The following KIAA1328 variants were observed in gnomAD, a reference collection of about 807,000 sequenced individuals.
KIAA1328 encodes the protein protein hinderin.
In KIAA1328, 52 loss-of-function variants were observed where a neutral mutation model predicts 68.1. That is an observed-to-expected ratio of 0.76 (90% CI 0.61 to 0.96). The LOEUF is 0.96. Ranked by LOEUF, KIAA1328 falls within the 40% of genes least tolerant of loss-of-function variation. The probability of loss-of-function intolerance (pLI) is 0.00; values close to 1 mark genes in which losing one functional copy is unlikely to be tolerated. For missense variants in KIAA1328, 641 were observed against 677.6 expected (o/e 0.95, Z 0.60); for synonymous variants, 232 against 239.4 (o/e 0.97, Z 0.28).
At chr18:37,096,624 C>G (rs2057416787) in intron 7 of KIAA1328, among the ~76,000 whole-genome samples, 1 of 152,190 alleles carries the variant, frequency 6.6e-6, no homozygotes, top group South Asian at 2.1e-4. Flanking sequence ...AATGGTATTT[C>G]TAGTTCGAGA....
chr18:37,215,200 G>A (rs149561347), intron 9 of KIAA1328, among the ~76,000 whole-genome samples: 3,106 of 152,300 alleles, frequency 0.02, 34 homozygotes, highest in Non-Finnish European at 0.033. Context: ...AATAGGAGTG[G>A]TGAGAGAGGG....
rs142007348 is a variant in KIAA1328, at chr18:37,151,400, G to A, written c.1233-8800G>A. On this transcript the variant is annotated intron_variant, in intron 7 of 9. Coordinates refer to ENST00000280020, the MANE Select transcript of KIAA1328 (RefSeq NM_020776.3). ...ATTTCAGTCAAAATACCAACATACT[G>A]TTTTATAGAAGTTGGCAAACTTATT... Among the ~76,000 whole-genome samples the A allele has an allele frequency of 2.8e-3, 420 of 152,222 alleles. 1 individual carries two copies. The highest frequency in any genetic ancestry group is 9.6e-3 in the African/African-American group (400 of 41,540).
chr18:36,892,706 AT>A (rs1201965758), intron 5 of KIAA1328, among the ~76,000 whole-genome samples: 1 of 152,186 alleles, frequency 6.6e-6, no homozygotes, highest in African/African-American at 2.4e-5. Flanking sequence ...GAGCATTGTT[AT>A]TATAAATTGT....
chr18:37,171,036 T>C (rs987381918), intron 8 of KIAA1328, among the ~76,000 whole-genome samples: 8 of 152,190 alleles, frequency 5.3e-5, no homozygotes, highest in Admixed American at 5.2e-4. Context: ...AAATAAAAAC[T>C]GGCTTGTAGC....
At chr18:37,174,314 G>C (rs530410192) in intron 9 of KIAA1328, among the ~76,000 whole-genome samples, 1 of 151,434 alleles carries the variant, frequency 6.6e-6, no homozygotes, top group East Asian at 1.9e-4. Context: ...TATTTTGGAG[G>C]CCACACACAA....
intron 7 of KIAA1328, chr18:37,084,328 G>A (rs1221652805): frequency 3.7e-6 from 2 of 534,958 alleles, no homozygotes; most frequent in Admixed American, 4.3e-5. Context: ...GATTAATACA[G>A]TTTTGTGACC....
At position 37,013,302 on chromosome 18, in the gene KIAA1328, A is replaced by G. The variant is rs560980597; in HGVS notation, c.577-53588A>G. ...TGACCTTTGAAAAATTAAATAATCT[A>G]TAGACTTCCTCATATATAAAATGGT... On this transcript the variant is annotated intron_variant, in intron 6 of 9. Coordinates refer to ENST00000280020, the MANE Select transcript of KIAA1328 (RefSeq NM_020776.3). 6.6e-5 allele frequency among the ~76,000 whole-genome samples: 10 copies of G among 152,266 alleles called. No individual in the cohort carries two copies. In the East Asian group the frequency reaches 1.5e-3, roughly 23 times the overall value.
chr18:36,897,322 G>A (rs1027090586), intron 5 of KIAA1328, among the ~76,000 whole-genome samples: 15 of 152,024 alleles, frequency 9.9e-5, no homozygotes, highest in Non-Finnish European at 1.5e-5. Flanking sequence ...AATAAATGTG[G>A]CCTGGAAAAT....
At chr18:37,078,895 G>C (rs1357376443) in intron 7 of KIAA1328, among the ~76,000 whole-genome samples, 2 of 151,670 alleles carry the variant, frequency 1.3e-5, no homozygotes, top group African/African-American at 4.8e-5. Context: ...CTGTAAACTA[G>C]TTCAACCATT....
intron 7 of KIAA1328, among the ~76,000 whole-genome samples, chr18:37,128,361 G>A (rs1272161148): frequency 6.6e-6 from 1 of 151,896 alleles, no homozygotes; most frequent in African/African-American, 2.4e-5. Flanking sequence ...GTAATCCCAG[G>A]TTCTCGGGAA....
Position 36,960,640 on chromosome 18 carries a change from T to C in KIAA1328, c.576+1205T>C, listed in dbSNP as rs144520959. 4.6e-3 allele frequency among the ~76,000 whole-genome samples: 697 copies of C among 152,316 alleles called. 6 individuals are homozygous for C. Among genetic ancestry groups the C allele is most frequent in the South Asian group, 0.03 (147 of 4,826 alleles). ...GATCAGGCACCAATATTTGCTGTTC[T>C]GCAGCCTCTGCTGGTGATACCCAGG... On this transcript the variant is annotated intron_variant, in intron 6 of 9. Coordinates refer to ENST00000280020, the MANE Select transcript of KIAA1328 (RefSeq NM_020776.3).
intron 6 of KIAA1328, among the ~76,000 whole-genome samples, chr18:37,024,446 T>G (rs572555638): frequency 3.0e-4 from 46 of 151,902 alleles, no homozygotes; most frequent in Admixed American, 5.2e-4. Context: ...GTTAAATATG[T>G]ATACATGTGC....
intron 7 of KIAA1328, among the ~76,000 whole-genome samples, chr18:37,125,379 T>A (rs2058366107): frequency 6.6e-6 from 1 of 152,158 alleles, no homozygotes; most frequent in African/African-American, 2.4e-5. Flanking sequence ...GGGAATCTTA[T>A]AGCATTTAAT....
At chr18:37,010,398 G>C (rs534993886) in intron 6 of KIAA1328, among the ~76,000 whole-genome samples, 23 of 132,920 alleles carry the variant, frequency 1.7e-4, no homozygotes, top group Middle Eastern at 5.3e-3. Context: ...AGCCGAGATT[G>C]TGACACTGCA....
intron 7 of KIAA1328, among the ~76,000 whole-genome samples, chr18:37,102,781 G>A (rs1164076964): frequency 6.6e-6 from 1 of 152,150 alleles, no homozygotes; most frequent in African/African-American, 2.4e-5. Flanking sequence ...AAAAGAGGAA[G>A]TCAAATATTC....
intron 7 of KIAA1328, among the ~76,000 whole-genome samples, chr18:37,124,177 G>A (rs901000440): frequency 6.6e-6 from 1 of 152,104 alleles, no homozygotes; most frequent in African/African-American, 2.4e-5. Flanking sequence ...AAGACAAAAT[G>A]CAGAATACTG....
At chr18:36,865,268 A>T (rs948400178) in intron 4 of KIAA1328, among the ~76,000 whole-genome samples, 10 of 151,462 alleles carry the variant, frequency 6.6e-5, no homozygotes, top group African/African-American at 2.4e-4. Context: ...TTTTATTTTC[A>T]TTCAATTCTA....
In KIAA1328 at chr18:37,081,167, A is replaced by C. The variant is rs377409231; in HGVS notation, c.1232+13622A>C. On this transcript the variant is annotated intron_variant, in intron 7 of 9. Coordinates refer to ENST00000280020, the MANE Select transcript of KIAA1328 (RefSeq NM_020776.3). ...AGGCTAATTTTTGTATTTTTAGTAG[A>C]GACAGGGTTTCACCATGTTGGCCAG... is the stretch of plus-strand genomic sequence containing the variant. Among the ~76,000 whole-genome samples the C allele has an allele frequency of 5.1e-4, 78 of 152,206 alleles. No homozygotes were observed. The East Asian group carries it at 0.01, about 20-fold the overall frequency.
intron 5 of KIAA1328, among the ~76,000 whole-genome samples, chr18:36,931,934 A>G (rs1261909331): frequency 2.6e-5 from 4 of 151,932 alleles, no homozygotes; most frequent in Admixed American, 1.3e-4. Context: ...TCTACCTTGC[A>G]TAGTATATTT....
Sources: gnomAD v4.1 joint callset for allele counts (sites outside exome capture counted in the v4.1 genomes callset) on GRCh38, gnomAD v4.1.1 for gene constraint, MANE v1.5 for transcripts, NCBI Gene and HGNC (gene_info 2026-07-23, HGNC 2026-07-21) for gene names.